The following IL23R variants were observed in gnomAD, a reference collection of about 807,000 sequenced individuals.
IL23R encodes interleukin 23 receptor.
IL23R carries 34 observed loss-of-function variants against 56.9 expected under a neutral mutation model. The ratio of observed to expected loss-of-function variants is 0.60; its 90% CI spans 0.45 to 0.80. The LOEUF is 0.80. IL23R is among the 30% of genes least tolerant of loss of function. The pLI is 0.00. For missense variants in IL23R, 635 were observed against 730.0 expected, an observed-to-expected ratio of 0.87 and a Z score of 1.50; for synonymous variants, 230 against 249.2, an observed-to-expected ratio of 0.92 and a Z score of 0.73.
chr1:67,162,573 C>T (rs1341254015), upstream of IL23R, among the ~76,000 whole-genome samples: 1 of 152,134 alleles, frequency 6.6e-6, no homozygotes, highest in Non-Finnish European at 1.5e-5. Context: ...CTCAAATATC[C>T]CTGAATTGGC....
At chr1:67,155,141 G>A (rs1196040091) in intron 1 of IL23R, among the ~76,000 whole-genome samples, 2 of 152,214 alleles carry the variant, frequency 1.3e-5, no homozygotes, top group African/African-American at 2.4e-5. Flanking sequence ...GGCTTGTAGA[G>A]TTTCTGCTGA....
chr1:67,259,116 C>A lies in IL23R; in HGVS notation c.1878C>A (p.Leu626=). ...AAAGCCACTTCAATAGGATTTCACT[C>A]TTGGAAAAGTAGAGCTGTGTGGTCA... ...ILESHFNRIS[L]LEK Residue 626 remains leucine (L), a synonymous_variant, in exon 11 of 11, where the codon CTC becomes CTA. Coordinates refer to ENST00000347310, the MANE Select transcript of IL23R (RefSeq NM_144701.3). 6.2e-7 allele frequency: 1 copy of A among 1,613,808 alleles called. No individual in the cohort carries two copies. Among genetic ancestry groups the A allele is most frequent in the South Asian group, 1.1e-5 (1 of 91,030 alleles).
intron 8 of IL23R, among the ~76,000 whole-genome samples, chr1:67,238,354 A>AT (rs1171885328): frequency 1.3e-5 from 2 of 151,032 alleles, no homozygotes; most frequent in African/African-American, 4.9e-5. Context: ...AAAAAAAAAA[A>AT]AGAGGAAAAA....
Position 67,182,765 on chromosome 1 carries a change from G to C in IL23R, c.368-71G>C, listed in dbSNP as rs976603989. Reference sequence around the variant, plus strand: ...TGTAGACTGGAGCTGTTCCTATTCAGCCATCTTGGCTTGGGACCAGAGAAC... The same window carrying C: ...TGTAGACTGGAGCTGTTCCTATTCACCCATCTTGGCTTGGGACCAGAGAAC... On this transcript the variant is annotated intron_variant, in intron 3 of 10. Coordinates refer to ENST00000347310, the MANE Select transcript of IL23R (RefSeq NM_144701.3). The C allele has an allele frequency of 3.8e-6, 6 of 1,570,684 alleles. No individual in the cohort carries two copies. The Admixed American group carries it at 1.0e-4, about 26-fold the overall frequency.
At chr1:67,218,279 T>TATAC (rs1553293246) in intron 6 of IL23R, among the ~76,000 whole-genome samples, 13,662 of 149,972 alleles carry the variant, frequency 0.091, 701 homozygotes, top group Non-Finnish European at 0.11. Flanking sequence ...CACATATATA[T>TATAC]ATATATACAT....
chr1:67,180,171 A>G (rs4680321), intron 3 of IL23R, among the ~76,000 whole-genome samples: 3,209 of 152,014 alleles, frequency 0.021, 102 homozygotes, highest in African/African-American at 0.073. Context: ...CCTGGATATC[A>G]TTGTTAACTT....
intron 2 of IL23R, 74 bp from the exon 3 acceptor site, chr1:67,169,268 G>A: frequency 8.9e-7 from 1 of 1,126,736 alleles, no homozygotes; most frequent in Non-Finnish European, 1.3e-6. Flanking sequence ...AATTTAAAAT[G>A]CAATAGCATA....
At chr1:67,233,576 T>C (rs565033158) in intron 7 of IL23R, among the ~76,000 whole-genome samples, 2 of 152,304 alleles carry the variant, frequency 1.3e-5, no homozygotes, top group East Asian at 3.9e-4. Flanking sequence ...TGTTATGCTT[T>C]AAATTTTGTC....
intron 4 of IL23R, among the ~76,000 whole-genome samples, chr1:67,193,728 C>T (rs1402987863): frequency 1.3e-5 from 2 of 152,210 alleles, no homozygotes; most frequent in African/African-American, 4.8e-5. Context: ...CTCAACAGCA[C>T]TCCTGACACG....
intron 6 of IL23R, among the ~76,000 whole-genome samples, chr1:67,210,413 A>C (rs1309436887): frequency 6.6e-6 from 1 of 152,156 alleles, no homozygotes; most frequent in East Asian, 1.9e-4. Flanking sequence ...CATTTAGTCC[A>C]AATAATTAAG....
intron 6 of IL23R, among the ~76,000 whole-genome samples, chr1:67,210,828 C>T (rs535184480): frequency 1.4e-4 from 22 of 152,044 alleles, no homozygotes; most frequent in Non-Finnish European, 1.3e-4. Context: ...GTTTTCAGCG[C>T]GTTAAATAAA....
chr1:67,204,238 T>C (rs1648850230), intron 5 of IL23R, among the ~76,000 whole-genome samples: 1 of 152,140 alleles, frequency 6.6e-6, no homozygotes, highest in Non-Finnish European at 1.5e-5. Flanking sequence ...TAATTTTTTG[T>C]ATTTTTAGTA....
At chr1:67,188,535 C>A (rs1357844271) in intron 4 of IL23R, among the ~76,000 whole-genome samples, 2 of 152,168 alleles carry the variant, frequency 1.3e-5, no homozygotes, top group African/African-American at 2.4e-5. Flanking sequence ...TATAAAAAAG[C>A]AAATTATAGG....
chr1:67,254,656 T>C (rs1171965239), intron 9 of IL23R, among the ~76,000 whole-genome samples: 2 of 152,182 alleles, frequency 1.3e-5, no homozygotes, highest in Non-Finnish European at 2.9e-5. Flanking sequence ...TTTTGGTTGT[T>C]ATTTAGTACA....
intron 7 of IL23R, among the ~76,000 whole-genome samples, chr1:67,221,716 G>C (rs1570878650): frequency 6.6e-6 from 1 of 152,230 alleles, no homozygotes; most frequent in African/African-American, 2.4e-5. Context: ...TATAATCCCA[G>C]TATGAATAGC....
chr1:67,146,531 A>G (rs1313283990), intron 1 of IL23R, among the ~76,000 whole-genome samples: 1 of 152,224 alleles, frequency 6.6e-6, no homozygotes, highest in Non-Finnish European at 1.5e-5. Flanking sequence ...TCCAATAAAT[A>G]ATATAAAAGT....
intron 9 of IL23R, among the ~76,000 whole-genome samples, chr1:67,249,195 A>G (rs1350317259): frequency 6.6e-6 from 1 of 152,090 alleles, no homozygotes; most frequent in Non-Finnish European, 1.5e-5. Flanking sequence ...TATTTAATTA[A>G]TTTTTGTTCT....
At position 67,259,094 on chromosome 1, in the gene IL23R, G is replaced by A. The variant is rs747171538; in HGVS notation, c.1856G>A (p.Ser619Asn). Reference sequence around the variant, plus strand: ...TATTTTCCACAAAATATTTTGGAAAGCCACTTCAATAGGATTTCACTCTTG... The same window carrying A: ...TATTTTCCACAAAATATTTTGGAAAACCACTTCAATAGGATTTCACTCTTG... Reference protein sequence around the residue: ...NTYFPQNILESHFNRISLLEK With the variant: ...NTYFPQNILENHFNRISLLEK The change falls in exon 11 of 11, where the codon AGC (serine) becomes AAC (asparagine). Residue 619 changes from serine (S) to asparagine (N), a missense_variant. By Grantham distance (46) the Ser-to-Asn change is conservative (BLOSUM62 1). Coordinates refer to ENST00000347310, the MANE Select transcript of IL23R (RefSeq NM_144701.3). 1.1e-5 allele frequency: 17 copies of A among 1,613,904 alleles called. No homozygotes were observed. The highest frequency in any genetic ancestry group is 1.4e-5 in the Non-Finnish European group (16 of 1,179,922).
intron 3 of IL23R, among the ~76,000 whole-genome samples, chr1:67,179,406 A>G (rs113259194): frequency 0.021 from 3,213 of 152,044 alleles, 101 homozygotes; most frequent in African/African-American, 0.073. Flanking sequence ...TATTTGCATC[A>G]AGGTGTTTAT....
Sources: allele counts gnomAD v4.1 joint callset (sites outside exome capture counted in the v4.1 genomes callset), GRCh38; gene constraint gnomAD v4.1.1; transcripts MANE v1.5; gene names NCBI Gene and HGNC (gene_info 2026-07-23, HGNC 2026-07-21).